The following SLC24A2 variants were observed in gnomAD, a reference collection of about 807,000 sequenced individuals.
SLC24A2 encodes sodium/potassium/calcium exchanger 2.
In SLC24A2, 36 loss-of-function variants were observed where a neutral mutation model predicts 62.0. The ratio of observed to expected loss-of-function variants is 0.58; its 90% CI spans 0.44 to 0.77. The LOEUF (loss-of-function observed/expected upper bound fraction) is 0.77, where lower values mean the gene tolerates loss of function less well. SLC24A2 is among the 30% of genes least tolerant of loss of function. The probability of loss-of-function intolerance (pLI) is 0.00; values close to 1 mark genes in which losing one functional copy is unlikely to be tolerated. For missense variants in SLC24A2, 846 were observed against 817.9 expected (o/e 1.03, Z -0.42); for synonymous variants, 358 against 294.0 (o/e 1.22, Z -2.23).
At chr9:20,004,507 TA>T in the SLC24A2 span, among the ~76,000 whole-genome samples, 1 of 152,246 alleles carries the variant, frequency 6.6e-6, no homozygotes, top group African/African-American at 2.4e-5. Context: ...TAGGCTGCCA[TA>T]AATTTGTGTA....
the SLC24A2 span, among the ~76,000 whole-genome samples, chr9:20,066,193 G>C: frequency 0.016 from 2,491 of 152,222 alleles, 66 homozygotes; most frequent in African/African-American, 0.056. Context: ...CAATAAAAAT[G>C]TTCCAGTTGA....
the SLC24A2 span, among the ~76,000 whole-genome samples, chr9:20,106,650 C>G: frequency 3.1e-3 from 467 of 152,058 alleles, 2 homozygotes; most frequent in Middle Eastern, 0.027. Context: ...ATTCAACAAC[C>G]CTTCATGCTA....
At chr9:19,941,590 T>TGTGTGTGAGA in the SLC24A2 span, among the ~76,000 whole-genome samples, 7,300 of 127,808 alleles carry the variant, frequency 0.057, 222 homozygotes, top group Non-Finnish European at 0.067. Context: ...TGTGTGTGTG[T>TGTGTGTGAGA]GAGAGAGAGA....
the SLC24A2 span, among the ~76,000 whole-genome samples, chr9:19,844,959 C>CTTT: frequency 2.0e-4 from 29 of 144,972 alleles, no homozygotes; most frequent in South Asian, 1.9e-3. Context: ...ATGCCTCTGG[C>CTTT]TTTTTTTTTT....
intron 7 of SLC24A2, among the ~76,000 whole-genome samples, chr9:19,571,330 TGAA>T (rs1835830810): frequency 6.6e-6 from 1 of 152,080 alleles, no homozygotes; most frequent in South Asian, 2.1e-4. Flanking sequence ...TTCTGTTAAA[TGAA>T]GAAACTTTCC....
chr9:20,059,240 C>T, the SLC24A2 span, among the ~76,000 whole-genome samples: 1 of 152,160 alleles, frequency 6.6e-6, no homozygotes, highest in Admixed American at 6.6e-5. Flanking sequence ...AACAAGAGAA[C>T]ATTTAGAGAG....
the SLC24A2 span, among the ~76,000 whole-genome samples, chr9:19,906,706 GC>G: frequency 1.3e-5 from 2 of 152,146 alleles, no homozygotes; most frequent in African/African-American, 4.8e-5. Flanking sequence ...ACACCTCTAT[GC>G]AAAAAAACTA....
At chr9:20,008,130 A>C in the SLC24A2 span, among the ~76,000 whole-genome samples, 8 of 151,686 alleles carry the variant, frequency 5.3e-5, no homozygotes, top group African/African-American at 1.7e-4. Context: ...TCCTGACCTC[A>C]AGTGATCCAC....
chr9:19,616,254 T>G (rs1817764979), intron 4 of SLC24A2, among the ~76,000 whole-genome samples: 1 of 152,244 alleles, frequency 6.6e-6, no homozygotes, highest in African/African-American at 2.4e-5. Flanking sequence ...AACCTGCATA[T>G]GGCAATTAAG....
chr9:19,932,972 T>C, the SLC24A2 span, among the ~76,000 whole-genome samples: 679 of 152,364 alleles, frequency 4.5e-3, 8 homozygotes, highest in African/African-American at 0.016. Context: ...TATAGAATTG[T>C]TGGACTCCTT....
chr9:19,838,945 G>T, the SLC24A2 span, among the ~76,000 whole-genome samples: 10 of 152,120 alleles, frequency 6.6e-5, no homozygotes, highest in Non-Finnish European at 1.3e-4. Flanking sequence ...CCATCAGAGT[G>T]AACAGGCAAC....
the SLC24A2 span, among the ~76,000 whole-genome samples, chr9:20,102,844 CGCAGGACAGTAGGT>C: frequency 6.6e-6 from 1 of 151,218 alleles, no homozygotes; most frequent in Non-Finnish European, 1.5e-5. Context: ...AGACAGTGGG[CGCAGGACAGTAGGT>C]GCAGTGCACC....
rs191824697 is a variant in SLC24A2 at position 19,605,321 on chromosome 9, C to A, written c.1079-8042G>T. Among the ~76,000 whole-genome samples, 403 of 152,066 alleles carry A rather than the reference C, an allele frequency of 2.7e-3. 2 individuals are homozygous for A. Among genetic ancestry groups the A allele is most frequent in the African/African-American group, 9.2e-3 (381 of 41,464 alleles). Reference sequence around the variant, plus strand: ...TTTAGTCTGCTGAACACCTATGGACCCCAGGTAGAATTTTTTTCAAGTCTG... The same window carrying A: ...TTTAGTCTGCTGAACACCTATGGACACCAGGTAGAATTTTTTTCAAGTCTG... On this transcript the variant is annotated intron_variant, in intron 4 of 10. Coordinates refer to ENST00000341998, the MANE Select transcript of SLC24A2 (RefSeq NM_020344.4).
chr9:19,830,324 A>AT, the SLC24A2 span, among the ~76,000 whole-genome samples: 5 of 152,212 alleles, frequency 3.3e-5, no homozygotes, highest in Admixed American at 3.3e-4. Context: ...TTTTTAATCA[A>AT]TTAATATATT....
chr9:20,228,976 C>G, the SLC24A2 span, among the ~76,000 whole-genome samples: 1 of 152,016 alleles, frequency 6.6e-6, no homozygotes, highest in African/African-American at 2.4e-5. Context: ...ATAAAGGCCT[C>G]TGGGGGAGGA....
At chr9:20,015,152 G>C in the SLC24A2 span, among the ~76,000 whole-genome samples, 1 of 152,178 alleles carries the variant, frequency 6.6e-6, no homozygotes. Context: ...ATTCTCTTGT[G>C]TCCCATCTTC....
intron 2 of SLC24A2, among the ~76,000 whole-genome samples, chr9:19,770,639 G>A (rs1822658342): frequency 6.6e-6 from 1 of 152,184 alleles, no homozygotes; most frequent in African/African-American, 2.4e-5. Flanking sequence ...ATTGGAAACA[G>A]ATAAATGCAT....
the SLC24A2 span, among the ~76,000 whole-genome samples, chr9:19,883,219 T>C: frequency 6.6e-6 from 1 of 152,198 alleles, no homozygotes; most frequent in South Asian, 2.1e-4. Flanking sequence ...TTCTTAGATA[T>C]TGCGATGTGC....
chr9:20,063,949 A>T, the SLC24A2 span, among the ~76,000 whole-genome samples: 5 of 152,228 alleles, frequency 3.3e-5, no homozygotes, highest in African/African-American at 1.2e-4. Context: ...ACGTAAACTT[A>T]CCAAATAACC....
Sources: allele counts gnomAD v4.1 joint callset (sites outside exome capture counted in the v4.1 genomes callset), GRCh38; gene constraint gnomAD v4.1.1; transcripts MANE v1.5; gene names NCBI Gene and HGNC (gene_info 2026-07-23, HGNC 2026-07-21).